Variants in ASAP1 observed in about 807,000 individuals in gnomAD.
ASAP1 encodes the protein arf-GAP with SH3 domain, ANK repeat and PH domain-containing protein 1.
ASAP1 carries 43 observed loss-of-function variants against 145.2 expected under a neutral mutation model. That is an observed-to-expected ratio of 0.30 (90% CI 0.23 to 0.38). The LOEUF is 0.38. Ranked by LOEUF, ASAP1 falls within the 10% of genes least tolerant of loss-of-function variation. The probability of loss-of-function intolerance (pLI) is 1.00; values close to 1 mark genes in which losing one functional copy is unlikely to be tolerated. For synonymous variants in ASAP1, 546 were observed against 515.5 expected, an observed-to-expected ratio of 1.06 and a Z score of -0.80; for missense variants, 1,018 against 1,355.3, an observed-to-expected ratio of 0.75 and a Z score of 3.91.
chr8:130,061,500 GTTA>G (rs1235492305), intron 27 of ASAP1, among the ~76,000 whole-genome samples: 1 of 151,970 alleles, frequency 6.6e-6, no homozygotes, highest in Non-Finnish European at 1.5e-5. Context: ...TATTTGTCAT[GTTA>G]TTAAAAATTA....
At chr8:130,153,356 TA>T (rs1260139608) in intron 12 of ASAP1, among the ~76,000 whole-genome samples, 2 of 47,596 alleles carry the variant, frequency 4.2e-5, no homozygotes, top group Non-Finnish European at 9.2e-5. Flanking sequence ...TATATATATA[TA>T]TGTATATATA....
At chr8:130,248,769 G>T (rs757166520) in intron 3 of ASAP1, among the ~76,000 whole-genome samples, 1 of 151,990 alleles carries the variant, frequency 6.6e-6, no homozygotes, top group Non-Finnish European at 1.5e-5. Flanking sequence ...CAAACTCAAG[G>T]CTTCCTCCAA....
chr8:130,126,691 A>G (rs887624015), intron 16 of ASAP1, among the ~76,000 whole-genome samples: 1 of 152,184 alleles, frequency 6.6e-6, no homozygotes, highest in Admixed American at 6.5e-5. Flanking sequence ...TGACTGGTCA[A>G]TGCTTGAGAT....
intron 27 of ASAP1, among the ~76,000 whole-genome samples, chr8:130,071,528 G>C (rs1348454611): frequency 6.6e-6 from 1 of 152,170 alleles, no homozygotes. Context: ...ATCTAGACCA[G>C]CACAGTGGTG....
In ASAP1 at chr8:130,114,231, T is replaced by C. The variant is rs139557850; in HGVS notation, c.2172+1397A>G. Among the ~76,000 whole-genome samples the C allele has an allele frequency of 2.4e-3, 365 of 152,326 alleles. 2 individuals carry two copies. Among genetic ancestry groups the C allele is most frequent in the Non-Finnish European group, 4.0e-3 (269 of 68,030 alleles). ...CTTGTGCGAACATCATAGAGTATAC[T>C]TACACAAACCTAGATGGGAGAGCCT... is the stretch of plus-strand genomic sequence containing the variant. On this transcript the variant is annotated intron_variant, in intron 23 of 29. Coordinates refer to ENST00000518721, the MANE Select transcript of ASAP1 (RefSeq NM_018482.4).
chr8:130,270,219 ACAATAAAGTAC>A (rs1359286051), intron 3 of ASAP1, among the ~76,000 whole-genome samples: 14 of 152,210 alleles, frequency 9.2e-5, no homozygotes, highest in African/African-American at 3.1e-4. Context: ...TCAAACATTT[ACAATAAAGTAC>A]CAAGCTAAGT....
intron 9 of ASAP1, among the ~76,000 whole-genome samples, chr8:130,171,783 A>C (rs1049012739): frequency 6.6e-6 from 1 of 152,242 alleles, no homozygotes; most frequent in African/African-American, 2.4e-5. Context: ...AGAGGTTGGC[A>C]ATGTTCTGCA....
intron 1 of ASAP1, among the ~76,000 whole-genome samples, chr8:130,432,304 T>C (rs1830166133): frequency 6.6e-6 from 1 of 152,102 alleles, no homozygotes; most frequent in Non-Finnish European, 1.5e-5. Context: ...ACCTGAGCCA[T>C]GCTTTAAATA....
chr8:130,442,176 A>G (rs1053715527), intron 1 of ASAP1, among the ~76,000 whole-genome samples: 4 of 152,244 alleles, frequency 2.6e-5, no homozygotes, highest in African/African-American at 9.6e-5. Context: ...AAGAGAAGGC[A>G]CTAAAGTGGT....
chr8:130,260,545 C>T (rs907159062), intron 3 of ASAP1, among the ~76,000 whole-genome samples: 26 of 152,220 alleles, frequency 1.7e-4, no homozygotes, highest in Admixed American at 1.2e-3. Flanking sequence ...ATAACTTGGA[C>T]GGGTTAGCAC....
At chr8:130,183,008 AAT>A (rs1371260390) in intron 7 of ASAP1, among the ~76,000 whole-genome samples, 2 of 151,960 alleles carry the variant, frequency 1.3e-5, no homozygotes, top group Non-Finnish European at 2.9e-5. Flanking sequence ...TAGGAAGTCA[AAT>A]ATTATATAAT....
intron 3 of ASAP1, among the ~76,000 whole-genome samples, chr8:130,296,280 T>C (rs1293880291): frequency 6.6e-6 from 1 of 152,184 alleles, no homozygotes; most frequent in African/African-American, 2.4e-5. Flanking sequence ...CCAGAAAAAG[T>C]AGATGTTTGC....
chr8:130,395,485 C>T (rs890446236), intron 2 of ASAP1, among the ~76,000 whole-genome samples: 27 of 152,208 alleles, frequency 1.8e-4, no homozygotes, highest in African/African-American at 6.0e-4. Flanking sequence ...GGCAGAATGC[C>T]GCAGGACAAC....
intron 25 of ASAP1, among the ~76,000 whole-genome samples, chr8:130,090,358 T>C (rs958577068): frequency 2.0e-5 from 3 of 152,216 alleles, no homozygotes; most frequent in Admixed American, 6.5e-5. Context: ...AACTTGTGAC[T>C]TTCATGGAAT....
intron 3 of ASAP1, chr8:130,341,048 T>C (rs976986367): frequency 2.6e-6 from 1 of 387,796 alleles, no homozygotes; most frequent in African/African-American, 2.1e-5. Context: ...TTAAATGTGA[T>C]ACAGTAACAC....
intron 29 of ASAP1, among the ~76,000 whole-genome samples, chr8:130,057,475 GTC>G (rs1491226713): frequency 6.6e-6 from 1 of 152,016 alleles, no homozygotes; most frequent in Non-Finnish European, 1.5e-5. Flanking sequence ...TTCAGATGGA[GTC>G]TCGCTCTGTT....
At chr8:130,395,540 A>G (rs558228942) in intron 2 of ASAP1, among the ~76,000 whole-genome samples, 39 of 152,334 alleles carry the variant, frequency 2.6e-4, no homozygotes, top group Middle Eastern at 6.8e-3. Flanking sequence ...GAGGAACATC[A>G]ACGACTGCTG....
intron 1 of ASAP1, 57 bp from the exon 2 acceptor site, chr8:130,402,027 A>T: frequency 8.3e-7 from 1 of 1,198,424 alleles, no homozygotes; most frequent in Non-Finnish European, 1.2e-6. Context: ...ACTGGGCAGA[A>T]GACATTGTCT....
intron 27 of ASAP1, among the ~76,000 whole-genome samples, chr8:130,075,759 G>C (rs1022959966): frequency 3.3e-5 from 5 of 152,184 alleles, no homozygotes; most frequent in African/African-American, 1.2e-4. Flanking sequence ...CAGTCAAAGA[G>C]CTGAGTGTCT....
Sources: allele counts gnomAD v4.1 joint callset (sites outside exome capture counted in the v4.1 genomes callset), GRCh38; gene constraint gnomAD v4.1.1; transcripts MANE v1.5; gene names NCBI Gene and HGNC (gene_info 2026-07-23, HGNC 2026-07-21).